Variants in TJP1 observed in about 807,000 individuals in gnomAD.
The protein encoded by TJP1 is tight junction protein 1, also known as tight junction protein ZO-1.
A neutral mutation model predicts 194.2 loss-of-function variants in TJP1; 43 were observed. The ratio of observed to expected loss-of-function variants is 0.22; its 90% CI spans 0.17 to 0.29. TJP1 has a LOEUF of 0.29. Among genes scored for constraint, TJP1 ranks in the 10% least tolerant of loss-of-function variants. The probability of loss-of-function intolerance (pLI) is 1.00; values close to 1 mark genes in which losing one functional copy is unlikely to be tolerated. For missense variants in TJP1, 1,971 were observed against 2,185.7 expected (o/e 0.90, Z 1.96); for synonymous variants, 801 against 779.0 (o/e 1.03, Z -0.47).
intron 8 of TJP1, among the ~76,000 whole-genome samples, chr15:29,755,681 G>A (rs2045597841): frequency 6.6e-6 from 1 of 152,142 alleles, no homozygotes; most frequent in Non-Finnish European, 1.5e-5. Flanking sequence ...AAATGGATTT[G>A]CTAAATATAA....
At chr15:29,909,868 C>T (rs59815145) in intron 2 of TJP1, among the ~76,000 whole-genome samples, 2,132 of 152,196 alleles carry the variant, frequency 0.014, 52 homozygotes, top group African/African-American at 0.048. Flanking sequence ...TCACATGGAA[C>T]CCATCCATCA....
chr15:29,733,162 A>G lies in TJP1; in HGVS notation c.1668T>C (p.Ser556=). Residue 556 remains serine, a synonymous_variant, in exon 13 of 28, where the codon TCT becomes TCC. Coordinates refer to ENST00000614355, the MANE Select transcript of TJP1 (RefSeq NM_001330239.4). ...TTTTACCAATTCGAATAGCAAGCCA[A>G]GAGCCCAGTTTTCCATTGTACAAGG... ...VDTLYNGKLG[S]WLAIRIGKNH... 6.2e-7 allele frequency: 1 copy of G among 1,614,140 alleles called. No individual in the cohort carries two copies. Among genetic ancestry groups the G allele is most frequent in the Non-Finnish European group, 8.5e-7 (1 of 1,180,018 alleles).
chr15:29,956,490 T>C, intron 1 of TJP1: 1 of 846,768 alleles, frequency 1.2e-6, no homozygotes, highest in Middle Eastern at 2.8e-4. Context: ...GCCAAAAAGC[T>C]AAGAACCACA....
At position 29,893,185 on chromosome 15, in the gene TJP1, T is replaced by G. The variant is rs550401872; in HGVS notation, c.306+63047A>C. On this transcript the variant is annotated intron_variant, in intron 2 of 28. Transcript: ENST00000356107. ...GGGGGAAATATCAAGAGAACTAGAA[T>G]TAGAAGTGGAGCCTGAAGATGTGAC... Among the ~76,000 whole-genome samples the G allele has an allele frequency of 2.6e-4, 39 of 152,206 alleles. No homozygotes were observed. The South Asian group carries it at 7.3e-3, about 28-fold the overall frequency.
intron 2 of TJP1, among the ~76,000 whole-genome samples, chr15:29,879,464 C>T (rs2052844782): frequency 6.6e-6 from 1 of 152,146 alleles, no homozygotes; most frequent in Admixed American, 6.5e-5. Context: ...TCTCCAGTGG[C>T]CTTTTTAATT....
chr15:29,962,333 C>T (rs2056191375), intron 1 of TJP1, among the ~76,000 whole-genome samples: 1 of 150,986 alleles, frequency 6.6e-6, no homozygotes, highest in African/African-American at 2.4e-5. Flanking sequence ...TCTGACCATT[C>T]TAAGACAAAC....
At chr15:29,788,804 AAAG>A (rs2047878053) in intron 2 of TJP1, among the ~76,000 whole-genome samples, 1 of 152,250 alleles carries the variant, frequency 6.6e-6, no homozygotes, top group African/African-American at 2.4e-5. Context: ...TTCATTTCCC[AAAG>A]AATTAGAAAA....
At chr15:29,913,806 G>T (rs573336251) in intron 2 of TJP1, among the ~76,000 whole-genome samples, 1 of 152,260 alleles carries the variant, frequency 6.6e-6, no homozygotes, top group South Asian at 2.1e-4. Flanking sequence ...TCACTTCAAA[G>T]AACTGAATAT....
At chr15:29,808,075 C>G (rs45605831) in intron 1 of TJP1, among the ~76,000 whole-genome samples, 1,832 of 152,196 alleles carry the variant, frequency 0.012, 19 homozygotes, top group Non-Finnish European at 0.018. Flanking sequence ...CAAGATCAGC[C>G]TGGCCAACCT....
rs1764865192 is a variant in TJP1, at chr15:29,718,255, G to T, written c.3876+11C>A. 5.0e-6 allele frequency: 8 copies of T among 1,609,362 alleles called. No individual in the cohort carries two copies. The highest frequency in any genetic ancestry group is 5.9e-6 in the Non-Finnish European group (7 of 1,177,868). ...GTGCCCATGCATCCAAGGCACTAAAGACATATTTACCTTAAAACTGCCAGT... is the reference window on the plus strand; with the variant it reads ...GTGCCCATGCATCCAAGGCACTAAATACATATTTACCTTAAAACTGCCAGT... On this transcript the variant is annotated intron_variant, in intron 21 of 27. Transcript: ENST00000614355.
intron 8 of TJP1, among the ~76,000 whole-genome samples, chr15:29,748,031 T>A (rs548582586): frequency 2.5e-4 from 38 of 152,336 alleles, no homozygotes; most frequent in African/African-American, 8.7e-4. Flanking sequence ...ATTTCCATTA[T>A]CTACCAAAAG....
At chr15:29,891,189 T>C (rs907478998) in intron 2 of TJP1, among the ~76,000 whole-genome samples, 3 of 152,234 alleles carry the variant, frequency 2.0e-5, no homozygotes, top group Non-Finnish European at 4.4e-5. Context: ...GCCTTCCAGA[T>C]TGACGGTGAG....
At chr15:29,903,079 C>T (rs143573700) in intron 2 of TJP1, among the ~76,000 whole-genome samples, 2 of 152,196 alleles carry the variant, frequency 1.3e-5, no homozygotes, top group South Asian at 2.1e-4. Context: ...GCTGTTCCCA[C>T]AAAACACACT....
chr15:29,908,048 CAA>C (rs1156724424), intron 2 of TJP1, among the ~76,000 whole-genome samples: 14 of 19,516 alleles, frequency 7.2e-4, no homozygotes, highest in African/African-American at 1.1e-3. Flanking sequence ...CCTTATAAAG[CAA>C]AAAAAAAAAA....
At chr15:29,781,688 T>C (rs1169951634) in intron 2 of TJP1, among the ~76,000 whole-genome samples, 1 of 152,178 alleles carries the variant, frequency 6.6e-6, no homozygotes, top group Non-Finnish European at 1.5e-5. Context: ...TGTGATTCAT[T>C]ACATAAACAG....
intron 25 of TJP1, among the ~76,000 whole-genome samples, chr15:29,706,228 T>A (rs1419260689): frequency 2.6e-5 from 4 of 152,206 alleles, no homozygotes; most frequent in Non-Finnish European, 5.9e-5. Flanking sequence ...CCACCGCGCC[T>A]GGCGAGAATA....
At chr15:29,804,269 T>C (rs965477652) in intron 1 of TJP1, among the ~76,000 whole-genome samples, 8 of 152,138 alleles carry the variant, frequency 5.3e-5, no homozygotes, top group African/African-American at 1.9e-4. Flanking sequence ...AGAATCTTAG[T>C]GGTTGGGATT....
intron 2 of TJP1, among the ~76,000 whole-genome samples, chr15:29,945,638 T>C (rs1177064764): frequency 6.6e-6 from 1 of 152,070 alleles, no homozygotes; most frequent in African/African-American, 2.4e-5. Flanking sequence ...AAGAGTAAGT[T>C]TGACAGCAAC....
At chr15:29,710,791 A>G (rs2042191900) in intron 24 of TJP1, 40 bp downstream of exon 24, 1 of 1,611,224 alleles carries the variant, frequency 6.2e-7, no homozygotes, top group Non-Finnish European at 8.5e-7. Context: ...TTACTTCATA[A>G]GCATTACTGT....
Sources: allele counts gnomAD v4.1 joint callset (sites outside exome capture counted in the v4.1 genomes callset), GRCh38; gene constraint gnomAD v4.1.1; transcripts MANE v1.5; gene names NCBI Gene and HGNC (gene_info 2026-07-23, HGNC 2026-07-21).